The following ARID2 variants were observed in gnomAD, a reference collection of about 807,000 sequenced individuals.
The protein encoded by ARID2 is AT-rich interaction domain 2.
ARID2 carries 32 observed loss-of-function variants against 184.6 expected under a neutral mutation model. The ratio of observed to expected loss-of-function variants is 0.17; its 90% CI spans 0.13 to 0.23. The LOEUF is 0.23. ARID2 is among the 10% of genes least tolerant of loss of function. The probability of loss-of-function intolerance (pLI) is 1.00; values close to 1 mark genes in which losing one functional copy is unlikely to be tolerated. For synonymous variants in ARID2, 836 were observed against 772.6 expected, an observed-to-expected ratio of 1.08 and a Z score of -1.36; for missense variants, 1,696 against 2,197.6, an observed-to-expected ratio of 0.77 and a Z score of 4.56.
At chr12:45,878,087 G>GTAT (rs1306110171) in intron 16 of ARID2, among the ~76,000 whole-genome samples, 1 of 152,162 alleles carries the variant, frequency 6.6e-6, no homozygotes, top group African/African-American at 2.4e-5. Context: ...AGACATCAGT[G>GTAT]TATTCTTCTC....
chr12:45,812,035 C>T (rs1942719060), intron 4 of ARID2, among the ~76,000 whole-genome samples: 2 of 151,700 alleles, frequency 1.3e-5, no homozygotes, highest in South Asian at 4.2e-4. Context: ...GAGGAATCCA[C>T]AGCTTGAAAA....
At chr12:45,832,272 A>G (rs1943136476) in intron 6 of ARID2, among the ~76,000 whole-genome samples, 2 of 152,144 alleles carry the variant, frequency 1.3e-5, no homozygotes, top group Non-Finnish European at 2.9e-5. Flanking sequence ...TTGCTCTTGT[A>G]TATGTATTGT....
intron 15 of ARID2, among the ~76,000 whole-genome samples, chr12:45,854,821 T>G (rs571873045): frequency 6.6e-6 from 1 of 152,350 alleles, no homozygotes; most frequent in African/African-American, 2.4e-5. Flanking sequence ...GGACATGTCA[T>G]AGGGACTTTA....
chr12:45,824,648 A>T (rs1202376211), intron 6 of ARID2, among the ~76,000 whole-genome samples: 1 of 152,062 alleles, frequency 6.6e-6, no homozygotes, highest in Non-Finnish European at 1.5e-5. Context: ...AATAATGTGG[A>T]TAAAAGGGAA....
chr12:45,771,565 T>A (rs1185584516), intron 3 of ARID2, among the ~76,000 whole-genome samples: 1 of 151,576 alleles, frequency 6.6e-6, no homozygotes, highest in African/African-American at 2.4e-5. Context: ...CCTAGCTGCT[T>A]GGTAGGCTGA....
chr12:45,736,250 G>C (rs781322951), intron 3 of ARID2, among the ~76,000 whole-genome samples: 1 of 151,984 alleles, frequency 6.6e-6, no homozygotes, highest in Non-Finnish European at 1.5e-5. Flanking sequence ...CCAGCTACTC[G>C]GGAGGCTGAG....
chr12:45,874,746 C>G (rs1408257258), intron 16 of ARID2, among the ~76,000 whole-genome samples: 2 of 152,184 alleles, frequency 1.3e-5, no homozygotes, highest in African/African-American at 4.8e-5. Flanking sequence ...ATTAGAGAAT[C>G]CTTTGCAGAA....
chr12:45,773,543 A>G (rs958924633), intron 3 of ARID2, among the ~76,000 whole-genome samples: 1 of 152,142 alleles, frequency 6.6e-6, no homozygotes, highest in Non-Finnish European at 1.5e-5. Context: ...AGAATTAGAA[A>G]TGAAAGAGGA....
In ARID2 at chr12:45,766,918, A is replaced by C. The variant is rs370536870; in HGVS notation, c.284+35604A>C. ...GGGAGGCAGAGATTGCGGTGAGCCA[A>C]GATCGCGCCATTGCACTCCAGCCTG... is the stretch of plus-strand genomic sequence containing the variant. On this transcript the variant is annotated intron_variant, in intron 3 of 20. Transcript: ENST00000334344. Among the ~76,000 whole-genome samples, 344 of 150,514 alleles carry C rather than the reference A, an allele frequency of 2.3e-3. 12 individuals carry two copies. In the South Asian group the frequency reaches 0.068, roughly 30 times the overall value.
intron 20 of ARID2, among the ~76,000 whole-genome samples, chr12:45,902,147 T>A (rs1056951369): frequency 1.3e-5 from 2 of 152,246 alleles, no homozygotes; most frequent in Admixed American, 1.3e-4. Flanking sequence ...CAATATTTAT[T>A]CTTTGTTAAA....
chr12:45,775,049 AAAG>A (rs1431493520), intron 3 of ARID2, among the ~76,000 whole-genome samples: 2 of 152,126 alleles, frequency 1.3e-5, no homozygotes, highest in Non-Finnish European at 2.9e-5. Context: ...GTCCCCCCAT[AAAG>A]AAGAATTATC....
intron 15 of ARID2, among the ~76,000 whole-genome samples, chr12:45,857,501 T>C: frequency 6.6e-6 from 1 of 152,330 alleles, no homozygotes. Context: ...TGTGTTCTTA[T>C]AAAGTAGTGT....
intron 20 of ARID2, among the ~76,000 whole-genome samples, chr12:45,898,266 G>T (rs1048034165): frequency 2.0e-5 from 3 of 152,156 alleles, no homozygotes; most frequent in Non-Finnish European, 4.4e-5. Context: ...AGTGGTTACT[G>T]GGGCTGGGGG....
Position 45,763,840 on chromosome 12 carries a change from A to G in ARID2, c.284+32526A>G, listed in dbSNP as rs191057351. ...GACCTAGAGAATTTGCAATTTTTAT[A>G]TCGTTAATGGTTTTTGTTTGTTTTT... On this transcript the variant is annotated intron_variant, in intron 3 of 20. Transcript: ENST00000334344. 2.3e-3 allele frequency among the ~76,000 whole-genome samples: 347 copies of G among 152,072 alleles called. 3 individuals are homozygous for G. The highest frequency in any genetic ancestry group is 7.6e-3 in the African/African-American group (316 of 41,478).
intron 16 of ARID2, among the ~76,000 whole-genome samples, chr12:45,875,316 C>T (rs557927812): frequency 7.9e-5 from 12 of 152,252 alleles, no homozygotes; most frequent in African/African-American, 2.9e-4. Flanking sequence ...CAATAGCAGA[C>T]TTAAAATACT....
rs983628339 is a variant in ARID2, at chr12:45,908,015, C to T, written c.*2937C>T. The stretch of plus-strand genomic sequence containing the variant: ...GTATGTTTTTTTAACCATGAAATGA[C>T]AATAAAATGATTTTTAAAATGAGAA... On this transcript the variant is annotated 3_prime_UTR_variant, in exon 21 of 21. Transcript: ENST00000334344. The T allele has an allele frequency of 8.9e-6, 2 of 223,688 alleles. No individual in the cohort carries two copies. Among genetic ancestry groups the T allele is most frequent in the Non-Finnish European group, 1.8e-5 (2 of 112,244 alleles). 13.9% of individuals were successfully genotyped at this position (223,688 alleles called of 1,614,324 possible).
At chr12:45,773,911 G>T (rs1286438320) in intron 3 of ARID2, among the ~76,000 whole-genome samples, 1 of 152,054 alleles carries the variant, frequency 6.6e-6, no homozygotes, top group Non-Finnish European at 1.5e-5. Flanking sequence ...TGTGGGAATG[G>T]GTAACCAGAG....
chr12:45,782,879 C>T (rs537834876), intron 3 of ARID2, among the ~76,000 whole-genome samples: 12 of 151,620 alleles, frequency 7.9e-5, no homozygotes, highest in African/African-American at 2.4e-4. Flanking sequence ...GAGGCTGAGG[C>T]GGGTAGATCA....
At chr12:45,871,878 G>A (rs1943931363) in intron 16 of ARID2, among the ~76,000 whole-genome samples, 2 of 152,146 alleles carry the variant, frequency 1.3e-5, no homozygotes, top group Non-Finnish European at 2.9e-5. Context: ...TTTCATCTAA[G>A]TTATCAAATA....
Sources: gnomAD v4.1 joint callset for allele counts (sites outside exome capture counted in the v4.1 genomes callset) on GRCh38, gnomAD v4.1.1 for gene constraint, MANE v1.5 for transcripts, NCBI Gene and HGNC (gene_info 2026-07-23, HGNC 2026-07-21) for gene names.